MYT1L: variants seen among roughly 807,000 people sequenced by gnomAD.
MYT1L encodes the protein myelin transcription factor 1-like protein.
MYT1L carries 12 observed loss-of-function variants against 126.7 expected under a neutral mutation model. The observed-to-expected ratio is 0.09, with a 90% CI of 0.06 to 0.15. The LOEUF (loss-of-function observed/expected upper bound fraction) is 0.15. Ranked by LOEUF, MYT1L falls within the 10% of genes least tolerant of loss-of-function variation. MYT1L has a pLI of 1.00. For synonymous variants in MYT1L, 541 were observed against 604.2 expected, an observed-to-expected ratio of 0.90 and a Z score of 1.53; for missense variants, 979 against 1,585.2, an observed-to-expected ratio of 0.62 and a Z score of 6.49.
chr2:1,902,618 G>C (rs886142281), intron 14 of MYT1L: 2 of 156,224 alleles, frequency 1.3e-5, no homozygotes, highest in Non-Finnish European at 2.8e-5. Flanking sequence ...CTCCCCAGAT[G>C]GTTCTCATGT....
intron 5 of MYT1L, among the ~76,000 whole-genome samples, chr2:1,990,715 G>A (rs2061388449): frequency 6.6e-6 from 1 of 152,154 alleles, no homozygotes; most frequent in Non-Finnish European, 1.5e-5. Flanking sequence ...AGAGAGTTCT[G>A]GGGAAAAGAA....
At chr2:2,329,988 G>A (rs1030871427) in intron 1 of MYT1L, among the ~76,000 whole-genome samples, 2 of 150,780 alleles carry the variant, frequency 1.3e-5, no homozygotes, top group Non-Finnish European at 3.0e-5. Flanking sequence ...TTTTTGAAAA[G>A]GAATATTTTA....
intron 3 of MYT1L, among the ~76,000 whole-genome samples, chr2:2,159,163 G>A (rs906675343): frequency 6.6e-6 from 1 of 151,882 alleles, no homozygotes; most frequent in African/African-American, 2.4e-5. Context: ...ACTTGGTGAA[G>A]CAGGGGGCTG....
At chr2:1,966,759 T>G (rs1042861180) in intron 8 of MYT1L, among the ~76,000 whole-genome samples, 1 of 147,512 alleles carries the variant, frequency 6.8e-6, no homozygotes, top group Non-Finnish European at 1.5e-5. Flanking sequence ...AACAAGCTCA[T>G]GTTATAATGT....
chr2:2,180,899 T>C (rs1193644571), intron 2 of MYT1L, among the ~76,000 whole-genome samples: 1 of 151,152 alleles, frequency 6.6e-6, no homozygotes, highest in Non-Finnish European at 1.5e-5. Flanking sequence ...TGTACCTCTG[T>C]GCTTGTGTAT....
intron 2 of MYT1L, among the ~76,000 whole-genome samples, chr2:2,281,835 A>G (rs2149405208): frequency 6.6e-6 from 1 of 152,304 alleles, no homozygotes; most frequent in Non-Finnish European, 1.5e-5. Context: ...CCTTGACACA[A>G]TCCAACAATG....
chr2:2,143,147 G>A lies in MYT1L; in HGVS notation c.-304+29725C>T, dbSNP rs924680997. ...CTACTAAAAATACAAAAAATTAGCC[G>A]GGCGCAGTGGCAGGCGCCTGTAGTC... On this transcript the variant is annotated intron_variant, in intron 3 of 24. Transcript: ENST00000647738. Among the ~76,000 whole-genome samples, 6 of 151,676 alleles carry A rather than the reference G, an allele frequency of 4.0e-5. No individual in the cohort carries two copies. The East Asian group carries it at 6.0e-4, about 15-fold the overall frequency.
intron 3 of MYT1L, among the ~76,000 whole-genome samples, chr2:2,124,973 C>T (rs2081504962): frequency 6.6e-6 from 1 of 152,182 alleles, no homozygotes; most frequent in Non-Finnish European, 1.5e-5. Context: ...GAGTGACTTT[C>T]CATAGAACTT....
intron 2 of MYT1L, among the ~76,000 whole-genome samples, chr2:2,245,858 C>A (rs1374081668): frequency 1.3e-5 from 2 of 152,168 alleles, no homozygotes; most frequent in Non-Finnish European, 2.9e-5. Flanking sequence ...TGCTAGGCTG[C>A]TGGCTGTGAA....
intron 2 of MYT1L, among the ~76,000 whole-genome samples, chr2:2,280,307 T>TACG (rs1424471592): frequency 6.6e-6 from 1 of 152,228 alleles, no homozygotes; most frequent in Non-Finnish European, 1.5e-5. Context: ...TTCACAGCTT[T>TACG]ACGTATTGTT....
At chr2:2,232,251 G>T (rs1261927584) in intron 2 of MYT1L, among the ~76,000 whole-genome samples, 1 of 152,224 alleles carries the variant, frequency 6.6e-6, no homozygotes, top group Admixed American at 6.5e-5. Flanking sequence ...GGCAGAAAAG[G>T]AGAGGTGGGG....
chr2:1,827,210 G>C (rs1241083516), intron 21 of MYT1L: 1 of 152,378 alleles, frequency 6.6e-6, no homozygotes, highest in Non-Finnish European at 1.5e-5. Context: ...CTTCGTAGGA[G>C]CTGGGGCACG....
intron 2 of MYT1L, among the ~76,000 whole-genome samples, chr2:2,264,889 G>A (rs945475006): frequency 6.6e-6 from 1 of 152,160 alleles, no homozygotes; most frequent in African/African-American, 2.4e-5. Flanking sequence ...CAGAATGAAT[G>A]TTAAAGGGGA....
At chr2:1,906,235 C>T (rs553645819) in intron 13 of MYT1L, among the ~76,000 whole-genome samples, 163 of 152,256 alleles carry the variant, frequency 1.1e-3, no homozygotes, top group Middle Eastern at 0.01. Flanking sequence ...TAGAATCTTA[C>T]ACTTTTACAT....
intron 3 of MYT1L, among the ~76,000 whole-genome samples, chr2:2,123,652 T>C (rs1368140286): frequency 6.6e-6 from 1 of 152,206 alleles, no homozygotes; most frequent in Non-Finnish European, 1.5e-5. Context: ...TGAGGCCTCT[T>C]CAGCCATGCT....
chr2:1,971,703 C>T (rs1415272459), intron 8 of MYT1L, among the ~76,000 whole-genome samples: 4 of 152,152 alleles, frequency 2.6e-5, no homozygotes, highest in Non-Finnish European at 5.9e-5. Flanking sequence ...TGCACTCCAG[C>T]CTGGGCGACA....
chr2:2,237,491 ACAT>A (rs1249149827), intron 2 of MYT1L, among the ~76,000 whole-genome samples: 2 of 152,208 alleles, frequency 1.3e-5, no homozygotes, highest in Non-Finnish European at 2.9e-5. Context: ...GAAGTGCCAG[ACAT>A]CATTCTCTTT....
intron 13 of MYT1L, among the ~76,000 whole-genome samples, chr2:1,903,623 C>T (rs975166499): frequency 6.6e-6 from 1 of 152,026 alleles, no homozygotes; most frequent in African/African-American, 2.4e-5. Context: ...AATTCCAGTC[C>T]TGAAATTTCT....
chr2:2,193,212 A>G (rs2092670269), intron 2 of MYT1L, among the ~76,000 whole-genome samples: 1 of 152,114 alleles, frequency 6.6e-6, no homozygotes, highest in Non-Finnish European at 1.5e-5. Context: ...TCCTGACCTC[A>G]GGTGATCCAC....
Sources: allele counts gnomAD v4.1 joint callset (sites outside exome capture counted in the v4.1 genomes callset), GRCh38; gene constraint gnomAD v4.1.1; transcripts MANE v1.5; gene names NCBI Gene and HGNC (gene_info 2026-07-23, HGNC 2026-07-21).